The following GPALPP1 variants were observed in gnomAD, a reference collection of about 807,000 sequenced individuals.
GPALPP1 encodes the protein GPALPP motifs-containing protein 1.
Under a neutral mutation model 38.9 loss-of-function variants are expected in GPALPP1, and 30 were observed. The ratio of observed to expected loss-of-function variants is 0.77; its 90% confidence interval spans 0.58 to 1.05. GPALPP1 has a LOEUF of 1.05. Among genes scored for constraint, GPALPP1 ranks in the 50% least tolerant of loss-of-function variants. The pLI, the probability that GPALPP1 is intolerant of heterozygous loss-of-function variation, is 0.00. For missense variants in GPALPP1, 384 were observed against 408.8 expected (o/e 0.94, Z 0.52); for synonymous variants, 120 against 139.2 (o/e 0.86, Z 0.97).
At chr13:44,994,948 G>T (rs1332391656) in intron 1 of GPALPP1, among the ~76,000 whole-genome samples, 1 of 151,848 alleles carries the variant, frequency 6.6e-6, no homozygotes, top group Non-Finnish European at 1.5e-5. Context: ...CCGCCTCCTG[G>T]GTTCAAGCTA....
chr13:44,998,958 G>A (rs932578828), intron 1 of GPALPP1, among the ~76,000 whole-genome samples: 3 of 152,158 alleles, frequency 2.0e-5, no homozygotes, highest in Admixed American at 6.6e-5. Context: ...CCAATCTCCC[G>A]AGAATACCGA....
downstream of GPALPP1, chr13:45,034,741 T>TTTTTTTTTTTTTTTTTTA (rs1566088560): frequency 7.2e-6 from 1 of 138,358 alleles, no homozygotes; most frequent in Non-Finnish European, 1.6e-5. Context: ...TTTTTTTTTT[T>TTTTTTTTTTTTTTTTTTA]ATTTTTTTTT....
At position 45,015,552 on chromosome 13, in the gene GPALPP1, T is replaced by A. The variant is rs776645654; in HGVS notation, c.661T>A (p.Ser221Thr). ...RRADDTSGDR[S>T]IWTDTPADRE... ...AGCTGATGACACATCTGGAGATCGA[T>A]CAATCTGGACAGATACTCCAGCTGA... is the stretch of plus-strand genomic sequence containing the variant. Residue 221 changes from serine (S) to threonine (T), a missense_variant, in exon 6 of 8, where the codon TCA becomes ACA. By Grantham distance (58) the Ser-to-Thr change is moderately conservative. Coordinates refer to ENST00000379151, the MANE Select transcript of GPALPP1 (RefSeq NM_018559.5). The A allele has an allele frequency of 8.1e-6, 13 of 1,598,524 alleles. 1 individual carries two copies. The East Asian group carries it at 3.0e-4, about 36-fold the overall frequency.
At chr13:45,037,653 A>G (rs1275352437) in exon 8 of GPALPP1, 2 of 152,246 alleles carry the variant, frequency 1.3e-5, no homozygotes, top group Non-Finnish European at 2.9e-5. Flanking sequence ...CAGTTTATCA[A>G]TAAAGATTTA....
intron 6 of GPALPP1, among the ~76,000 whole-genome samples, chr13:45,019,024 TAAATATATACATAG>T (rs879823496): frequency 0.65 from 72,932 of 112,620 alleles, 28,122 homozygotes; most frequent in Non-Finnish European, 0.81. Context: ...TATACACATA[TAAATATATACATAG>T]AAATATATAA....
At chr13:45,004,057 A>G (rs1873892942) in intron 1 of GPALPP1, among the ~76,000 whole-genome samples, 1 of 152,114 alleles carries the variant, frequency 6.6e-6, no homozygotes, top group Non-Finnish European at 1.5e-5. Context: ...GTTCGGGTTT[A>G]TAAGTTCAGA....
chr13:45,000,323 A>C (rs1873582514), intron 1 of GPALPP1, among the ~76,000 whole-genome samples: 1 of 152,202 alleles, frequency 6.6e-6, no homozygotes, highest in Non-Finnish European at 1.5e-5. Context: ...CTAGCCATGC[A>C]GGAGGCCGAG....
chr13:45,032,051 T>C (rs1241490101), downstream of GPALPP1: 1 of 152,210 alleles, frequency 6.6e-6, no homozygotes, highest in Non-Finnish European at 1.5e-5. Context: ...TTTGTCCAGC[T>C]CTCTAAATTG....
chr13:45,037,362 TA>T (rs1191781760), exon 8 of GPALPP1: 1 of 152,230 alleles, frequency 6.6e-6, no homozygotes, highest in Non-Finnish European at 1.5e-5. Flanking sequence ...CACATTTTGC[TA>T]ACCTAAGGAT....
chr13:45,008,699 T>C (rs1874268236), intron 3 of GPALPP1, 96 bp from the exon 4 acceptor site: 2 of 628,012 alleles, frequency 3.2e-6, no homozygotes, highest in Non-Finnish European at 2.9e-6. Context: ...TTTTCAACAT[T>C]TGTCACTATT....
At chr13:45,018,459 A>T (rs1875039009) in intron 6 of GPALPP1, among the ~76,000 whole-genome samples, 1 of 152,146 alleles carries the variant, frequency 6.6e-6, no homozygotes, top group South Asian at 2.1e-4. Context: ...CATTAATTGA[A>T]TGAGATCAGT....
exon 8 of GPALPP1, chr13:45,036,893 G>T (rs942691917): frequency 1.3e-5 from 2 of 152,144 alleles, no homozygotes; most frequent in African/African-American, 2.4e-5. Context: ...AGAGTTCAAG[G>T]CTGCAGTGAG....
intron 1 of GPALPP1, among the ~76,000 whole-genome samples, chr13:44,994,898 G>A (rs1474393659): frequency 6.6e-6 from 1 of 151,704 alleles, no homozygotes; most frequent in Non-Finnish European, 1.5e-5. Context: ...TTGTTGCCCA[G>A]GCTGGAGTGC....
downstream of GPALPP1, chr13:45,033,941 T>G (rs749670085): frequency 6.6e-6 from 1 of 152,136 alleles, no homozygotes; most frequent in East Asian, 1.9e-4. Flanking sequence ...ATTGTTTGAG[T>G]ATGAGTTTCT....
chr13:44,989,575 T>A lies in GPALPP1; in HGVS notation c.-80T>A, dbSNP rs991344424. Reference sequence around the variant, plus strand: ...CGCCGGGAAACCTGCCATTCTTCGCTGCTGATCGCGGGATTCTTTTTGGAT... The same window carrying A: ...CGCCGGGAAACCTGCCATTCTTCGCAGCTGATCGCGGGATTCTTTTTGGAT... On this transcript the variant is annotated 5_prime_UTR_variant, in exon 1 of 8. Transcript: ENST00000379151. 7 of 1,495,420 alleles carry A rather than the reference T, an allele frequency of 4.7e-6. No individual in the cohort carries two copies. Among genetic ancestry groups the A allele is most frequent in the Non-Finnish European group, 6.5e-6 (7 of 1,078,750 alleles). 92.6% of individuals were successfully genotyped at this position (1,495,420 alleles called of 1,614,324 possible).
chr13:45,024,158 T>TGTGTGTGTGTGTGC (rs1875617968), intron 7 of GPALPP1, among the ~76,000 whole-genome samples: 2 of 9,792 alleles, frequency 2.0e-4, no homozygotes, highest in East Asian at 0.015. Flanking sequence ...TGTGTGTGTG[T>TGTGTGTGTGTGTGC]GTGTGTGTGT....
intron 6 of GPALPP1, among the ~76,000 whole-genome samples, chr13:45,018,984 TAC>T (rs1329593100): frequency 1.1e-5 from 1 of 89,216 alleles, no homozygotes; most frequent in Admixed American, 1.5e-4. Context: ...TAAATATATA[TAC>T]ATATAAATAT....
At chr13:45,006,582 C>T (rs1230940767) in intron 3 of GPALPP1, among the ~76,000 whole-genome samples, 1 of 152,166 alleles carries the variant, frequency 6.6e-6, no homozygotes, top group East Asian at 1.9e-4. Context: ...CCTCTCCCCA[C>T]TTTATAAACA....
Position 45,015,421 on chromosome 13 carries a change from T to C in GPALPP1, c.541-11T>C, listed in dbSNP as rs749725727. 1 of 1,532,530 alleles carries C rather than the reference T, an allele frequency of 6.5e-7. No homozygotes were observed. Among genetic ancestry groups the C allele is most frequent in the South Asian group, 1.2e-5 (1 of 80,528 alleles). The allele number at this position is 1,532,530 out of a possible 1,614,324, so 94.9% of individuals were successfully genotyped here. A position where few individuals can be genotyped will look rare whatever the true frequency, so the allele number is the denominator to read the frequency against. ...GTACTTTCTATGCTGTGTTTTTTTT[T>C]TCTCTTAAAGGATTCATCTAAACCC... On this transcript the variant is annotated splice_polypyrimidine_tract_variant and intron_variant, in intron 5 of 7. Coordinates refer to ENST00000379151, the MANE Select transcript of GPALPP1 (RefSeq NM_018559.5).
Sources: allele counts gnomAD v4.1 joint callset (sites outside exome capture counted in the v4.1 genomes callset), GRCh38; gene constraint gnomAD v4.1.1; transcripts MANE v1.5; gene names NCBI Gene and HGNC (gene_info 2026-07-23, HGNC 2026-07-21).